PRKCH: variants seen among roughly 807,000 people sequenced by gnomAD.
PRKCH encodes protein kinase C eta type.
PRKCH carries 28 observed loss-of-function variants against 82.5 expected under a neutral mutation model. The ratio of observed to expected loss-of-function variants is 0.34; its 90% CI spans 0.25 to 0.47. The LOEUF is 0.47. Among genes scored for constraint, PRKCH ranks in the 20% least tolerant of loss-of-function variants. The pLI is 1.00. For missense variants in PRKCH, 705 were observed against 881.8 expected (o/e 0.80, Z 2.54); for synonymous variants, 322 against 327.4 (o/e 0.98, Z 0.18).
chr14:61,439,813 G>T lies in PRKCH; in HGVS notation c.428-3298G>T, dbSNP rs191052376. Reference sequence around the variant, plus strand: ...AAGGTGAAAAGGCAGGAGTGAAGGTGGCAAGAAATGATTGGCATGCAGTTT... The same window carrying T: ...AAGGTGAAAAGGCAGGAGTGAAGGTTGCAAGAAATGATTGGCATGCAGTTT... On this transcript the variant is annotated intron_variant, in intron 2 of 13. Transcript: ENST00000332981. Among the ~76,000 whole-genome samples the T allele has an allele frequency of 1.5e-3, 232 of 152,122 alleles. 1 individual carries two copies. Among genetic ancestry groups the T allele is most frequent in the Non-Finnish European group, 3.0e-3 (204 of 68,020 alleles).
At chr14:61,333,761 A>G (rs972593304) in intron 1 of PRKCH, among the ~76,000 whole-genome samples, 2 of 152,226 alleles carry the variant, frequency 1.3e-5, no homozygotes, top group African/African-American at 2.4e-5. Context: ...TTTTGTTAAT[A>G]TAAACTTTTC....
chr14:61,417,740 G>C (rs1882634155), intron 2 of PRKCH, among the ~76,000 whole-genome samples: 1 of 152,134 alleles, frequency 6.6e-6, no homozygotes, highest in Non-Finnish European at 1.5e-5. Flanking sequence ...CTAATAGACT[G>C]TTTCCTTTAA....
At chr14:61,324,712 A>G (rs532325634) in intron 1 of PRKCH, among the ~76,000 whole-genome samples, 2 of 151,900 alleles carry the variant, frequency 1.3e-5, no homozygotes, top group African/African-American at 2.4e-5. Context: ...TCCCACTTCA[A>G]CCTCCCAAAG....
In PRKCH at chr14:61,433,043, C is replaced by CAAAAAAAAAAAAAAAA. The variant is rs34477992; in HGVS notation, c.428-10065_428-10050dup. Among the ~76,000 whole-genome samples, 139 of 110,930 alleles carry CAAAAAAAAAAAAAAAA rather than the reference C, an allele frequency of 1.3e-3. 3 individuals carry two copies. The highest frequency in any genetic ancestry group is 4.8e-3 in the African/African-American group (129 of 26,854). The allele number at this position is 110,930 out of a possible 152,430, so 72.8% of individuals were successfully genotyped here. A position where few individuals can be genotyped will look rare whatever the true frequency, so the allele number is the denominator to read the frequency against. On this transcript the variant is annotated intron_variant, in intron 2 of 13. Coordinates refer to ENST00000332981, the MANE Select transcript of PRKCH (RefSeq NM_006255.5). ...CCCTCCCCTCACCCCCCAACCTCTT[C>CAAAAAAAAAAAAAAAA]AAAAAAAAAAAAAAAAAACTATCAA... is the stretch of plus-strand genomic sequence containing the variant.
At chr14:61,252,509 G>A (rs1019021100) in intron 1 of PRKCH, among the ~76,000 whole-genome samples, 3 of 152,146 alleles carry the variant, frequency 2.0e-5, no homozygotes, top group African/African-American at 7.2e-5. Flanking sequence ...GCTCTGCCAA[G>A]GTCAGAGCAC....
chr14:61,237,552 A>G (rs993121116), intron 1 of PRKCH, among the ~76,000 whole-genome samples: 3 of 152,216 alleles, frequency 2.0e-5, no homozygotes, highest in African/African-American at 7.2e-5. Context: ...CTTCATCTGC[A>G]TAATAAGAAC....
intron 1 of PRKCH, among the ~76,000 whole-genome samples, chr14:61,351,504 G>C (rs568229668): frequency 5.9e-5 from 9 of 152,336 alleles, no homozygotes; most frequent in African/African-American, 2.2e-4. Flanking sequence ...TGAATTTTAA[G>C]ATTTGGATGC....
chr14:61,322,282 CA>C lies in PRKCH; in HGVS notation c.182del (p.Gln61ArgfsTer73). 1 of 1,613,244 alleles carries C rather than the reference CA, an allele frequency of 6.2e-7. No individual in the cohort carries two copies. The highest frequency in any genetic ancestry group is 8.5e-7 in the Non-Finnish European group (1 of 1,179,854). On this transcript the variant is annotated frameshift_variant, in exon 1 of 14. Coordinates refer to ENST00000332981, the MANE Select transcript of PRKCH (RefSeq NM_006255.5). LOFTEE classifies it high-confidence loss of function. Reference sequence around the variant, plus strand: ...GCGCGTGGGCCAGACCAGCACCAAGCAGAAGACCAACAAACCCACGTACAAC... The same window carrying C: ...GCGCGTGGGCCAGACCAGCACCAAGCGAAGACCAACAAACCCACGTACAAC... ...QVRVGQTSTK[Q>X]KTNKPTYNEE...
chr14:61,528,173 C>CAT (rs1313998044), intron 10 of PRKCH: 1 of 151,876 alleles, frequency 6.6e-6, no homozygotes, highest in East Asian at 1.9e-4. Flanking sequence ...CACACACACA[C>CAT]ACACACACAA....
intron 1 of PRKCH, among the ~76,000 whole-genome samples, chr14:61,367,759 G>A (rs2046315660): frequency 6.7e-6 from 1 of 148,986 alleles, no homozygotes; most frequent in African/African-American, 2.5e-5. Flanking sequence ...CTTTCACCCA[G>A]GCTGGAGTGC....
At chr14:61,270,681 C>T (rs2045143582) in intron 1 of PRKCH, among the ~76,000 whole-genome samples, 1 of 152,040 alleles carries the variant, frequency 6.6e-6, no homozygotes, top group Non-Finnish European at 1.5e-5. Context: ...AAAAAGTAGA[C>T]TCTAAAGGTA....
intron 1 of PRKCH, among the ~76,000 whole-genome samples, chr14:61,198,139 A>G (rs1332212736): frequency 1.3e-5 from 2 of 149,708 alleles, no homozygotes; most frequent in African/African-American, 5.0e-5. Context: ...ACATCTGGAC[A>G]ACTAGTTTCC....
At chr14:61,435,270 A>G (rs1594703007) in intron 2 of PRKCH, among the ~76,000 whole-genome samples, 1 of 152,160 alleles carries the variant, frequency 6.6e-6, no homozygotes, top group East Asian at 1.9e-4. Flanking sequence ...ACTACTTGCA[A>G]CTTAAGTCCC....
At chr14:61,322,515 T>C (rs1360783357) in intron 1 of PRKCH, 51 bp downstream of exon 1, 1 of 1,541,554 alleles carries the variant, frequency 6.5e-7, no homozygotes, top group African/African-American at 1.4e-5. Context: ...CCCGTTCCCC[T>C]TATGTTTTTC....
intron 1 of PRKCH, among the ~76,000 whole-genome samples, chr14:61,201,046 A>G (rs1322956623): frequency 6.6e-6 from 1 of 152,172 alleles, no homozygotes; most frequent in Non-Finnish European, 1.5e-5. Flanking sequence ...CTATGGGATT[A>G]TTTTGAACTG....
intron 1 of PRKCH, among the ~76,000 whole-genome samples, chr14:61,205,691 G>A (rs901291249): frequency 2.0e-4 from 31 of 152,110 alleles, no homozygotes; most frequent in African/African-American, 6.3e-4. Flanking sequence ...AAACTGGTTC[G>A]GCCCTTGCAC....
At chr14:61,374,430 C>T (rs1390613462) in intron 1 of PRKCH, among the ~76,000 whole-genome samples, 1 of 152,140 alleles carries the variant, frequency 6.6e-6, no homozygotes, top group African/African-American at 2.4e-5. Flanking sequence ...TTCAGCCCCA[C>T]ATTTCCCCTT....
intron 1 of PRKCH, among the ~76,000 whole-genome samples, chr14:61,213,339 A>G (rs1250399321): frequency 6.6e-6 from 1 of 152,202 alleles, no homozygotes; most frequent in Non-Finnish European, 1.5e-5. Flanking sequence ...TGTCTGAGTC[A>G]TTAGGAAATC....
At chr14:61,347,346 C>T (rs554532676) in intron 1 of PRKCH, among the ~76,000 whole-genome samples, 65 of 152,300 alleles carry the variant, frequency 4.3e-4, no homozygotes, top group African/African-American at 1.5e-3. Context: ...TGATTATCTT[C>T]AAGTCTCCAT....
Sources: gnomAD v4.1 joint callset for allele counts (sites outside exome capture counted in the v4.1 genomes callset) on GRCh38, gnomAD v4.1.1 for gene constraint, MANE v1.5 for transcripts, NCBI Gene and HGNC (gene_info 2026-07-23, HGNC 2026-07-21) for gene names.